Variants in MGMT observed in about 807,000 individuals in gnomAD.
MGMT encodes the protein methylated-DNA--protein-cysteine methyltransferase.
A neutral mutation model predicts 15.9 loss-of-function variants in MGMT; 14 were observed. That is an observed-to-expected ratio of 0.88 (90% CI 0.58 to 1.37). The LOEUF is 1.37. Ranked by LOEUF, MGMT falls within the 40% of genes most tolerant of loss-of-function variation. The pLI is 0.00. For synonymous variants in MGMT, 130 were observed against 118.2 expected, an observed-to-expected ratio of 1.10 and a Z score of -0.65; for missense variants, 282 against 268.1, an observed-to-expected ratio of 1.05 and a Z score of -0.36.
At chr10:129,711,237 C>T (rs576132885) in intron 3 of MGMT, among the ~76,000 whole-genome samples, 1 of 152,318 alleles carries the variant, frequency 6.6e-6, no homozygotes, top group East Asian at 1.9e-4. Context: ...AGGCTAACCA[C>T]AAAAATATGC....
At chr10:129,765,689 CAGAAG>C (rs1442642702) in intron 4 of MGMT, among the ~76,000 whole-genome samples, 1 of 152,188 alleles carries the variant, frequency 6.6e-6, no homozygotes, top group Non-Finnish European at 1.5e-5. Context: ...CTGACCATCT[CAGAAG>C]AGATCAGGGC....
intron 4 of MGMT, among the ~76,000 whole-genome samples, chr10:129,762,271 G>A (rs1253284299): frequency 6.6e-6 from 1 of 152,198 alleles, no homozygotes; most frequent in Non-Finnish European, 1.5e-5. Flanking sequence ...GTGAAAAATG[G>A]ACTTGGAATG....
chr10:129,644,053 A>G (rs1384463139), intron 2 of MGMT, among the ~76,000 whole-genome samples: 1 of 152,138 alleles, frequency 6.6e-6, no homozygotes, highest in Non-Finnish European at 1.5e-5. Context: ...CTACAGAGAG[A>G]CCTTCCCAGC....
chr10:129,699,628 T>G (rs1848073616), intron 2 of MGMT, among the ~76,000 whole-genome samples: 2 of 152,180 alleles, frequency 1.3e-5, no homozygotes, highest in Non-Finnish European at 2.9e-5. Flanking sequence ...GGGATGGGGT[T>G]GAAGGCATAA....
intron 2 of MGMT, among the ~76,000 whole-genome samples, chr10:129,552,206 C>T (rs929274454): frequency 2.6e-5 from 4 of 152,236 alleles, no homozygotes; most frequent in Non-Finnish European, 4.4e-5. Flanking sequence ...CCGAGCGCCC[C>T]GTTTCCTGAA....
chr10:129,546,785 GGT>G (rs976579600), intron 2 of MGMT, among the ~76,000 whole-genome samples: 3 of 152,176 alleles, frequency 2.0e-5, no homozygotes. Context: ...AGAATTCCTT[GGT>G]ACCTGGTCTG....
intron 3 of MGMT, among the ~76,000 whole-genome samples, chr10:129,718,229 G>A (rs529144024): frequency 2.3e-4 from 35 of 152,356 alleles, no homozygotes; most frequent in African/African-American, 8.2e-4. Flanking sequence ...TCTGCTGAAT[G>A]TGCACAGGGA....
chr10:129,704,896 G>A (rs4751112), intron 2 of MGMT, among the ~76,000 whole-genome samples: 118,077 of 152,062 alleles, frequency 0.78, 45,887 homozygotes, highest in South Asian at 0.8. Context: ...GAGGTCTTCC[G>A]TCGCCGCCCC....
At chr10:129,574,872 C>G (rs1846461882) in intron 2 of MGMT, among the ~76,000 whole-genome samples, 1 of 152,236 alleles carries the variant, frequency 6.6e-6, no homozygotes, top group East Asian at 1.9e-4. Context: ...TCTGTCAGAT[C>G]TCTTACATCT....
intron 2 of MGMT, among the ~76,000 whole-genome samples, chr10:129,595,526 G>T (rs941382652): frequency 3.9e-5 from 6 of 152,070 alleles, no homozygotes; most frequent in African/African-American, 1.4e-4. Context: ...CCCAACCTGG[G>T]GTCCGTGGTG....
At chr10:129,517,191 A>G (rs995240133) in intron 1 of MGMT, among the ~76,000 whole-genome samples, 2 of 152,214 alleles carry the variant, frequency 1.3e-5, no homozygotes, top group African/African-American at 2.4e-5. Flanking sequence ...TGCTCCGCCC[A>G]TGGCTCCTGG....
intron 2 of MGMT, among the ~76,000 whole-genome samples, chr10:129,639,566 A>G (rs969019372): frequency 6.6e-6 from 1 of 152,260 alleles, no homozygotes; most frequent in East Asian, 1.9e-4. Flanking sequence ...AAAATCCAGA[A>G]TATTTGAAAG....
At chr10:129,554,663 T>A (rs1359977311) in intron 2 of MGMT, among the ~76,000 whole-genome samples, 2 of 152,206 alleles carry the variant, frequency 1.3e-5, no homozygotes, top group Non-Finnish European at 2.9e-5. Flanking sequence ...CTTTCTGTAT[T>A]GCAGGTTGGC....
intron 2 of MGMT, among the ~76,000 whole-genome samples, chr10:129,554,188 G>T (rs2119795455): frequency 6.6e-6 from 1 of 152,358 alleles, no homozygotes; most frequent in East Asian, 1.9e-4. Context: ...ATCACACACT[G>T]CAGCCGTGAG....
intron 2 of MGMT, among the ~76,000 whole-genome samples, chr10:129,613,222 G>T (rs1288383779): frequency 6.6e-6 from 1 of 152,226 alleles, no homozygotes; most frequent in East Asian, 1.9e-4. Flanking sequence ...GATGGTCTCT[G>T]AGGCCTGCTA....
intron 1 of MGMT, among the ~76,000 whole-genome samples, chr10:129,509,189 T>C (rs1290437835): frequency 3.3e-5 from 5 of 152,234 alleles, no homozygotes; most frequent in Non-Finnish European, 5.9e-5. Context: ...ATGTTTATTA[T>C]TGCTACTCAG....
intron 1 of MGMT, among the ~76,000 whole-genome samples, chr10:129,471,111 A>C (rs1043237420): frequency 6.6e-6 from 1 of 152,314 alleles, no homozygotes; most frequent in African/African-American, 2.4e-5. Flanking sequence ...GTGGCTTGTG[A>C]AAGGAGGTAC....
chr10:129,500,969 A>G (rs1179631055), intron 1 of MGMT, among the ~76,000 whole-genome samples: 3 of 152,226 alleles, frequency 2.0e-5, no homozygotes, highest in African/African-American at 7.2e-5. Context: ...ACTAGATAGA[A>G]TTACAGAGCT....
intron 1 of MGMT, among the ~76,000 whole-genome samples, chr10:129,491,906 A>G (rs943956546): frequency 1.5e-4 from 23 of 152,116 alleles, no homozygotes; most frequent in African/African-American, 5.1e-4. Flanking sequence ...CTTATCTGCT[A>G]GCACCAGTAT....
Sources: gnomAD v4.1 joint callset for allele counts (sites outside exome capture counted in the v4.1 genomes callset) on GRCh38, gnomAD v4.1.1 for gene constraint, MANE v1.5 for transcripts, NCBI Gene and HGNC (gene_info 2026-07-23, HGNC 2026-07-21) for gene names.